Variants in FAM120A observed in about 807,000 individuals in gnomAD.
FAM120A encodes family with sequence similarity 120 member A.
FAM120A carries 15 observed loss-of-function variants against 109.7 expected under a neutral mutation model. The observed-to-expected ratio is 0.14, with a 90% CI of 0.09 to 0.21. The LOEUF is 0.21. Ranked by LOEUF, FAM120A falls within the 10% of genes least tolerant of loss-of-function variation. The probability of loss-of-function intolerance (pLI) is 1.00; values close to 1 mark genes in which losing one functional copy is unlikely to be tolerated. For synonymous variants in FAM120A, 493 were observed against 572.8 expected, an observed-to-expected ratio of 0.86 and a Z score of 1.99; for missense variants, 899 against 1,439.3, an observed-to-expected ratio of 0.62 and a Z score of 6.07.
chr9:93,532,385 G>A lies in FAM120A; in HGVS notation c.1909+56G>A, dbSNP rs757743366. 16 of 1,589,128 alleles carry A rather than the reference G, an allele frequency of 1.0e-5. No individual in the cohort carries two copies. Among genetic ancestry groups the A allele is most frequent in the Non-Finnish European group, 1.4e-5 (16 of 1,157,934 alleles). ...TCCTCGGTACCTCGTAATCTCTTGTGCATTTTCTAAAGCCTTAGAAGAATC... is the reference window on the plus strand; with the variant it reads ...TCCTCGGTACCTCGTAATCTCTTGTACATTTTCTAAAGCCTTAGAAGAATC... On this transcript the variant is annotated intron_variant, in intron 10 of 17. Coordinates refer to ENST00000277165, the MANE Select transcript of FAM120A (RefSeq NM_014612.5). The surrounding 1 kb of genome is among the most constrained non-coding windows in gnomAD (Gnocchi z 4.3).
chr9:93,538,484 A>G (rs1300864361), intron 10 of FAM120A, among the ~76,000 whole-genome samples: 2 of 152,182 alleles, frequency 1.3e-5, no homozygotes, highest in South Asian at 2.1e-4. Context: ...ACCCCAGGAA[A>G]GCTCGTCAAG....
chr9:93,523,526 G>T (rs956014485), intron 7 of FAM120A, among the ~76,000 whole-genome samples: 1 of 152,118 alleles, frequency 6.6e-6, no homozygotes, highest in Admixed American at 6.5e-5. Flanking sequence ...AATTTTATAT[G>T]TTGGCAAAAA....
intron 3 of FAM120A, among the ~76,000 whole-genome samples, chr9:93,495,148 C>T (rs373327076): frequency 1.0e-3 from 153 of 152,292 alleles, no homozygotes; most frequent in South Asian, 5.6e-3. Context: ...AAGGGTTTGC[C>T]GCCACTTGCC....
At chr9:93,471,057 G>T in intron 1 of FAM120A, 84 bp from the exon 2 acceptor site, 1 of 1,481,112 alleles carries the variant, frequency 6.8e-7, no homozygotes, top group Non-Finnish European at 9.2e-7. Flanking sequence ...TGATTTTTCA[G>T]CTTCTGTGCA....
At chr9:93,501,029 C>T (rs1859778170) in intron 5 of FAM120A, among the ~76,000 whole-genome samples, 1 of 152,178 alleles carries the variant, frequency 6.6e-6, no homozygotes, top group Non-Finnish European at 1.5e-5. Flanking sequence ...TAGATACTGT[C>T]ATTATTCTTC....
intron 11 of FAM120A, among the ~76,000 whole-genome samples, chr9:93,550,288 G>A (rs544915567): frequency 3.3e-5 from 5 of 152,166 alleles, no homozygotes; most frequent in Non-Finnish European, 7.3e-5. Context: ...GGGTTTAAAT[G>A]TTTCACAAGA....
At chr9:93,523,868 G>A (rs534798159) in intron 7 of FAM120A, among the ~76,000 whole-genome samples, 1 of 152,376 alleles carries the variant, frequency 6.6e-6, no homozygotes, top group African/African-American at 2.4e-5. Flanking sequence ...TAGAGCATGA[G>A]GAGACTAGAC....
At chr9:93,456,947 A>G (rs1857572694) in intron 1 of FAM120A, among the ~76,000 whole-genome samples, 1 of 152,226 alleles carries the variant, frequency 6.6e-6, no homozygotes, top group South Asian at 2.1e-4. Context: ...AAAACTGACC[A>G]TATTATACCT....
At chr9:93,558,087 G>A in intron 14 of FAM120A, 77 bp downstream of exon 14, 1 of 1,393,490 alleles carries the variant, frequency 7.2e-7, no homozygotes, top group Non-Finnish European at 9.5e-7. Context: ...TTATAGGCAA[G>A]CCCATCTGCT....
intron 1 of FAM120A, chr9:93,453,119 G>T: frequency 9.9e-7 from 1 of 1,012,978 alleles, no homozygotes; most frequent in Non-Finnish European, 1.2e-6. Flanking sequence ...AAGGCAGTTC[G>T]GTTTTGTAGA....
intron 10 of FAM120A, among the ~76,000 whole-genome samples, chr9:93,536,701 T>C (rs1861530961): frequency 6.6e-6 from 1 of 152,232 alleles, no homozygotes; most frequent in Non-Finnish European, 1.5e-5. Context: ...AGTCACTATA[T>C]GGCGAAAGTA....
intron 1 of FAM120A, among the ~76,000 whole-genome samples, chr9:93,457,968 T>G (rs1362402842): frequency 6.6e-6 from 1 of 152,176 alleles, no homozygotes; most frequent in African/African-American, 2.4e-5. Flanking sequence ...TTCCATAGTA[T>G]ATTCTTCATT....
At chr9:93,529,759 A>C in intron 9 of FAM120A, 179 bp downstream of exon 9, 1 of 651,604 alleles carries the variant, frequency 1.5e-6, no homozygotes, top group Non-Finnish European at 2.8e-6. Context: ...AACTGTAAAT[A>C]GTTTTAAAAT....
chr9:93,474,665 C>T (rs773677326), intron 2 of FAM120A, among the ~76,000 whole-genome samples: 5 of 152,176 alleles, frequency 3.3e-5, no homozygotes, highest in African/African-American at 7.2e-5. Flanking sequence ...ATGATCTCGC[C>T]TCACTGCAAG....
chr9:93,452,542 C>G lies in FAM120A; in HGVS notation c.474+153C>G, dbSNP rs1450313198. 1 of 1,574,576 alleles carries G rather than the reference C, an allele frequency of 6.4e-7. No individual in the cohort carries two copies. Among genetic ancestry groups the G allele is most frequent in the South Asian group, 1.1e-5 (1 of 89,386 alleles). ...GGGATAGCCTGGCCGGGCCGGGCTG[C>G]AAGATGGATGGCCGCGGGTGCAGGC... On this transcript the variant is annotated intron_variant, in intron 1 of 17. Coordinates refer to ENST00000277165, the MANE Select transcript of FAM120A (RefSeq NM_014612.5). The surrounding 1 kb of genome is among the most constrained non-coding windows in gnomAD (Gnocchi z 7.0).
In FAM120A at chr9:93,498,110, T is replaced by C. The variant is rs1453281739; in HGVS notation, c.933+511T>C. Among the ~76,000 whole-genome samples the C allele has an allele frequency of 1.3e-5, 2 of 152,146 alleles. No individual in the cohort carries two copies. Among genetic ancestry groups the C allele is most frequent in the Non-Finnish European group, 2.9e-5 (2 of 68,030 alleles). On this transcript the variant is annotated intron_variant, in intron 4 of 17. Coordinates refer to ENST00000277165, the MANE Select transcript of FAM120A (RefSeq NM_014612.5). This position sits in a 1 kb window ranked among gnomAD's most constrained non-coding sequence, Gnocchi z 4.4. ...CTGCTGTGTCTCTAGAGAGCTGAAA[T>C]GCAGCCAGGCACGGTGGCTCATGCC...
At chr9:93,542,117 A>G (rs931385989) in intron 10 of FAM120A, among the ~76,000 whole-genome samples, 1 of 152,214 alleles carries the variant, frequency 6.6e-6, no homozygotes, top group Non-Finnish European at 1.5e-5. Flanking sequence ...TATGTTGAAG[A>G]TCAAATTAGA....
intron 7 of FAM120A, chr9:93,523,384 G>C: frequency 1.7e-6 from 2 of 1,191,994 alleles, no homozygotes; most frequent in Non-Finnish European, 2.2e-6. Flanking sequence ...CTGGGGCTGA[G>C]GGAATGACTT....
intron 1 of FAM120A, among the ~76,000 whole-genome samples, chr9:93,462,871 C>T (rs908943495): frequency 6.6e-6 from 1 of 152,206 alleles, no homozygotes; most frequent in Non-Finnish European, 1.5e-5. Flanking sequence ...AGAATTTCCT[C>T]CTTAAGGCTC....
Sources: allele counts gnomAD v4.1 joint callset (sites outside exome capture counted in the v4.1 genomes callset), GRCh38; gene constraint gnomAD v4.1.1; non-coding constraint Gnocchi (gnomAD v3.1); transcripts MANE v1.5; gene names NCBI Gene and HGNC (gene_info 2026-07-23, HGNC 2026-07-21).